Variants in SLC15A1 observed in about 807,000 individuals in gnomAD.
SLC15A1 encodes the protein solute carrier family 15 member 1, also known as Caco-2 oligopeptide transporter.
Under a neutral mutation model 92.9 loss-of-function variants are expected in SLC15A1, and 83 were observed. That is an observed-to-expected ratio of 0.89 (90% CI 0.75 to 1.07). The LOEUF (loss-of-function observed/expected upper bound fraction) is 1.07, where lower values mean the gene tolerates loss of function less well. Among genes scored for constraint, SLC15A1 ranks in the 50% least tolerant of loss-of-function variants. SLC15A1 has a pLI of 0.00. For missense variants in SLC15A1, 857 were observed against 880.1 expected (o/e 0.97, Z 0.33); for synonymous variants, 322 against 318.2 (o/e 1.01, Z -0.13).
At chr13:98,725,525 C>T (rs1480612973) in intron 4 of SLC15A1, among the ~76,000 whole-genome samples, 3 of 152,274 alleles carry the variant, frequency 2.0e-5, no homozygotes, top group African/African-American at 4.8e-5. Context: ...AACTCCATGC[C>T]TCACACATCA....
chr13:98,687,351 G>T (rs182412717), intron 21 of SLC15A1, among the ~76,000 whole-genome samples: 4 of 152,080 alleles, frequency 2.6e-5, no homozygotes, highest in Admixed American at 6.6e-5. Flanking sequence ...ATGACTGTGG[G>T]GCTATGGACA....
intron 8 of SLC15A1, among the ~76,000 whole-genome samples, chr13:98,718,875 G>A (rs568797055): frequency 2.6e-5 from 4 of 152,244 alleles, no homozygotes; most frequent in East Asian, 1.9e-4. Flanking sequence ...ACTCCAGGCT[G>A]GTCTTAAACT....
Position 98,684,778 on chromosome 13 carries a change from C to T in SLC15A1, c.2073G>A (p.Leu691=). The change falls in exon 23 of 23, where the codon CTG becomes CTA. Residue 691 remains leucine, a synonymous_variant. Transcript: ENST00000376503. ...QFDEDEKKNR[L]EKSNPYFMSG... Reference sequence around the variant, plus strand: ...ACATGAAATATGGGTTACTCTTTTCCAGTCTGTTTTTCTTTTCATCCTCAT... The same window carrying T: ...ACATGAAATATGGGTTACTCTTTTCTAGTCTGTTTTTCTTTTCATCCTCAT... The T allele has an allele frequency of 1.9e-6, 3 of 1,614,030 alleles. No individual in the cohort carries two copies. Among genetic ancestry groups the T allele is most frequent in the Non-Finnish European group, 2.5e-6 (3 of 1,180,020 alleles).
rs180940683 is a variant in SLC15A1, at chr13:98,722,191, T to G, written c.366-288A>C. The stretch of plus-strand genomic sequence containing the variant: ...GTTTGGGGTTCTTTTGTAGCTTTAT[T>G]GTTTCCAGTAAAAGAGAGGATAAAT... On this transcript the variant is annotated intron_variant, in intron 5 of 22. Transcript: ENST00000376503. Among the ~76,000 whole-genome samples the G allele has an allele frequency of 1.1e-4, 16 of 152,292 alleles. 1 individual carries two copies. The highest frequency in any genetic ancestry group is 3.8e-4 in the African/African-American group (16 of 41,566).
chr13:98,720,120 A>G (rs986647217), intron 7 of SLC15A1, among the ~76,000 whole-genome samples: 1 of 152,238 alleles, frequency 6.6e-6, no homozygotes, highest in Non-Finnish European at 1.5e-5. Context: ...CGGGAGAGAA[A>G]GAAGTTAACT....
intron 1 of SLC15A1, among the ~76,000 whole-genome samples, chr13:98,735,758 A>T (rs954240689): frequency 2.6e-5 from 4 of 152,226 alleles, no homozygotes; most frequent in African/African-American, 9.7e-5. Context: ...CAAAGAGAAT[A>T]AAATACCTAG....
intron 1 of SLC15A1, among the ~76,000 whole-genome samples, chr13:98,735,989 T>C (rs2088390873): frequency 6.6e-6 from 1 of 152,182 alleles, no homozygotes; most frequent in Non-Finnish European, 1.5e-5. Flanking sequence ...TGGAAAAAAC[T>C]ACTTTAAAGT....
chr13:98,688,941 C>CTTTA (rs572622244), intron 18 of SLC15A1, among the ~76,000 whole-genome samples: 6 of 152,156 alleles, frequency 3.9e-5, no homozygotes, highest in African/African-American at 1.4e-4. Flanking sequence ...GTTTCAGAAA[C>CTTTA]TTTATTTATT....
chr13:98,736,683 G>T (rs1462538216), intron 1 of SLC15A1, among the ~76,000 whole-genome samples: 3 of 152,064 alleles, frequency 2.0e-5, no homozygotes, highest in African/African-American at 2.4e-5. Context: ...GTGGGCAAAG[G>T]ATATGAACAG....
chr13:98,728,384 T>C (rs1594002278), intron 1 of SLC15A1, among the ~76,000 whole-genome samples: 1 of 152,182 alleles, frequency 6.6e-6, no homozygotes, highest in East Asian at 1.9e-4. Context: ...CTATGAAAGT[T>C]GTCGTTGGAT....
chr13:98,703,067 T>C (rs952812792), intron 17 of SLC15A1, among the ~76,000 whole-genome samples: 1 of 150,544 alleles, frequency 6.6e-6, no homozygotes, highest in Non-Finnish European at 1.5e-5. Flanking sequence ...GAAGGATCTC[T>C]TGGGGCCAAG....
intron 18 of SLC15A1, among the ~76,000 whole-genome samples, chr13:98,700,312 C>A (rs2088056383): frequency 6.6e-6 from 1 of 151,606 alleles, no homozygotes; most frequent in Non-Finnish European, 1.5e-5. Flanking sequence ...CATAGTGAGA[C>A]CCCATCTCTA....
chr13:98,685,225 G>A lies in SLC15A1; in HGVS notation c.1936-310C>T, dbSNP rs998494233. On this transcript the variant is annotated intron_variant, in intron 22 of 22. Transcript: ENST00000376503. ...TTAAGACATGTGGCTGGACCTGGAA[G>A]GATGGGGACCAAGAGAACAGCAAGC... 2.8e-4 allele frequency among the ~76,000 whole-genome samples: 42 copies of A among 152,286 alleles called. 1 individual carries two copies. The highest frequency in any genetic ancestry group is 9.6e-4 in the African/African-American group (40 of 41,570).
In SLC15A1 at chr13:98,723,876, G is replaced by T. The variant is rs368844812; in HGVS notation, c.365+36C>A. 2.4e-5 allele frequency: 38 copies of T among 1,613,088 alleles called. 1 individual carries two copies. The highest frequency in any genetic ancestry group is 2.3e-4 in the Admixed American group (14 of 59,892). ...TAAGGCATCAAATGCGCACAAGGTG[G>T]GAGGGTGATGGGGGCAGCAGTGAGC... On this transcript the variant is annotated intron_variant, in intron 5 of 22. Transcript: ENST00000376503.
At chr13:98,702,765 G>A (rs539193373) in intron 17 of SLC15A1, among the ~76,000 whole-genome samples, 3 of 152,108 alleles carry the variant, frequency 2.0e-5, no homozygotes, top group Admixed American at 1.3e-4. Flanking sequence ...AGACCAGCCT[G>A]TGAGACACAG....
intron 1 of SLC15A1, among the ~76,000 whole-genome samples, chr13:98,731,909 ACC>A (rs2088353434): frequency 6.6e-6 from 1 of 152,234 alleles, no homozygotes; most frequent in Non-Finnish European, 1.5e-5. Context: ...CCCAGCCATT[ACC>A]AAGAAGGCAT....
At position 98,687,601 on chromosome 13, in the gene SLC15A1, A is replaced by G. The variant is rs1593977172; in HGVS notation, c.1807T>C (p.Leu603=). ...GAAACCTGAGAATATGAGAATTCCA[A>G]TCCCGTGACAGAGAAGACCACTTCG... ...CGEVVFSVTG[L]EFSYSQAPSN... The change falls in exon 21 of 23, where the codon TTG becomes CTG. Residue 603 remains leucine, a synonymous_variant. Transcript: ENST00000376503. The G allele has an allele frequency of 1.9e-6, 3 of 1,614,152 alleles. No individual in the cohort carries two copies. Among genetic ancestry groups the G allele is most frequent in the East Asian group, 2.2e-5 (1 of 44,892 alleles).
intron 18 of SLC15A1, among the ~76,000 whole-genome samples, chr13:98,694,214 A>G (rs1181347638): frequency 6.6e-6 from 1 of 152,192 alleles, no homozygotes; most frequent in Admixed American, 6.5e-5. Context: ...CTTTTTCAGT[A>G]TGACAGTCAT....
At chr13:98,713,337 C>T (rs1435955666) in intron 9 of SLC15A1, among the ~76,000 whole-genome samples, 1 of 152,006 alleles carries the variant, frequency 6.6e-6, no homozygotes, top group African/African-American at 2.4e-5. Flanking sequence ...GCTGGAGTGG[C>T]ATTAGCCACC....
Sources: allele counts gnomAD v4.1 joint callset (sites outside exome capture counted in the v4.1 genomes callset), GRCh38; gene constraint gnomAD v4.1.1; transcripts MANE v1.5; gene names NCBI Gene and HGNC (gene_info 2026-07-23, HGNC 2026-07-21).